Variants in VCF1 observed in about 807,000 individuals in gnomAD.
VCF1 encodes the protein VCP nuclear cofactor family member 1.
At chr17:73,224,828 A>AGCACAGCAC in the VCF1 span, among the ~76,000 whole-genome samples, 1 of 152,128 alleles carries the variant, frequency 6.6e-6, no homozygotes, top group South Asian at 2.1e-4. Flanking sequence ...AGCGCAGCAC[A>AGCACAGCAC]GCACAGCACA....
At chr17:73,209,712 G>T in the VCF1 span, 1 of 1,546,810 alleles carries the variant, frequency 6.5e-7, no homozygotes. Flanking sequence ...CCCTGTCCGG[G>T]CTATTGATGC....
chr17:73,217,372 G>T, the VCF1 span, among the ~76,000 whole-genome samples: 3 of 148,030 alleles, frequency 2.0e-5, no homozygotes, highest in African/African-American at 5.0e-5. Flanking sequence ...AAAAAAAAAG[G>T]CCAGGTGTGG....
chr17:73,227,592 G>T, the VCF1 span: 1 of 990,272 alleles, frequency 1.0e-6, no homozygotes, highest in Non-Finnish European at 1.2e-6. Context: ...CCTAATTAAG[G>T]TTTTCTTCTT....
the VCF1 span, among the ~76,000 whole-genome samples, chr17:73,229,885 A>T: frequency 6.7e-6 from 1 of 150,322 alleles, no homozygotes; most frequent in Admixed American, 6.6e-5. Context: ...AAAAAAAAAA[A>T]AAAAAAAAAG....
the VCF1 span, among the ~76,000 whole-genome samples, chr17:73,218,930 G>C: frequency 6.6e-6 from 1 of 152,114 alleles, no homozygotes; most frequent in East Asian, 1.9e-4. Context: ...TGAGGCAGGA[G>C]AATGGCATGA....
At chr17:73,225,014 GGAT>G in the VCF1 span, among the ~76,000 whole-genome samples, 1 of 149,994 alleles carries the variant, frequency 6.7e-6, no homozygotes, top group African/African-American at 2.5e-5. Context: ...GGACAGCATA[GGAT>G]AGGACAGGAC....
At chr17:73,207,369 C>CAT in the VCF1 span, 1 of 984,370 alleles carries the variant, frequency 1.0e-6, no homozygotes, top group Non-Finnish European at 1.6e-6. Flanking sequence ...ACAAAATGCA[C>CAT]TAATGCTGCT....
At chr17:73,226,682 A>G in the VCF1 span, among the ~76,000 whole-genome samples, 7 of 152,150 alleles carry the variant, frequency 4.6e-5, no homozygotes, top group Non-Finnish European at 7.4e-5. Context: ...CTTCCCTCTC[A>G]CCACAGGAGC....
the VCF1 span, chr17:73,229,113 G>A: frequency 1.0e-6 from 1 of 980,594 alleles, no homozygotes; most frequent in Non-Finnish European, 1.2e-6. Flanking sequence ...ACTAATCTCT[G>A]GGAGAGTCAC....
At chr17:73,216,381 T>C in the VCF1 span, among the ~76,000 whole-genome samples, 15 of 152,074 alleles carry the variant, frequency 9.9e-5, no homozygotes, top group South Asian at 6.3e-4. Flanking sequence ...GGCAAAAAGT[T>C]TGAATAGAGT....
At chr17:73,210,963 T>C in the VCF1 span, among the ~76,000 whole-genome samples, 282 of 152,268 alleles carry the variant, frequency 1.9e-3, 1 homozygote, top group African/African-American at 6.5e-3. Flanking sequence ...GATAACTGAA[T>C]TGGCAGTACC....
chr17:73,230,683 C>A, the VCF1 span, among the ~76,000 whole-genome samples: 16 of 152,182 alleles, frequency 1.1e-4, no homozygotes, highest in African/African-American at 3.9e-4. Context: ...AGGCGTGAGC[C>A]ACCGCACCCA....
At chr17:73,232,011 C>G in the VCF1 span, 5 of 1,457,604 alleles carry the variant, frequency 3.4e-6, no homozygotes, top group Non-Finnish European at 4.6e-6. Flanking sequence ...CTCCGACCCC[C>G]ATTTCGCGCG....
chr17:73,221,763 C>T, the VCF1 span, among the ~76,000 whole-genome samples: 31 of 151,966 alleles, frequency 2.0e-4, no homozygotes, highest in East Asian at 2.1e-3. Context: ...GGGCCGGGCG[C>T]GGTGGCTCAC....
Sources: allele counts gnomAD v4.1 joint callset (sites outside exome capture counted in the v4.1 genomes callset), GRCh38; gene constraint gnomAD v4.1.1; transcripts MANE v1.5; gene names NCBI Gene and HGNC (gene_info 2026-07-23, HGNC 2026-07-21).